The following PAM variants were observed in gnomAD, a reference collection of about 807,000 sequenced individuals.
The protein encoded by PAM is peptidyl-glycine alpha-amidating monooxygenase.
In PAM, 72 loss-of-function variants were observed where a neutral mutation model predicts 122.1. The observed-to-expected ratio is 0.59, with a 90% CI of 0.49 to 0.72. PAM has a LOEUF of 0.72. Ranked by LOEUF, PAM falls within the 30% of genes least tolerant of loss-of-function variation. The pLI is 0.00. For missense variants in PAM, 1,106 were observed against 1,183.7 expected (o/e 0.93, Z 0.96); for synonymous variants, 389 against 404.4 (o/e 0.96, Z 0.46).
At chr5:102,852,682 A>C (rs1268874763) in intron 1 of PAM, among the ~76,000 whole-genome samples, 1 of 152,166 alleles carries the variant, frequency 6.6e-6, no homozygotes, top group African/African-American at 2.4e-5. Flanking sequence ...TAAAATATAA[A>C]ATAAAATTTA....
At chr5:103,026,791 G>T (rs181008507) in intron 24 of PAM, among the ~76,000 whole-genome samples, 1 of 152,314 alleles carries the variant, frequency 6.6e-6, no homozygotes, top group East Asian at 1.9e-4. Context: ...AGTAGAGGGT[G>T]GTAAGTGCAG....
chr5:102,966,848 G>T (rs897207057), intron 14 of PAM, among the ~76,000 whole-genome samples: 2 of 151,954 alleles, frequency 1.3e-5, no homozygotes, highest in African/African-American at 4.8e-5. Flanking sequence ...AACAAGAGCT[G>T]GGTTTTTTTA....
At chr5:102,902,571 A>G (rs534442977) in intron 4 of PAM, among the ~76,000 whole-genome samples, 5 of 151,718 alleles carry the variant, frequency 3.3e-5, no homozygotes, top group Non-Finnish European at 5.9e-5. Context: ...TTAAGTTTCT[A>G]ATTGTAGTGC....
chr5:102,765,935 C>T (rs1753791901), intron 1 of PAM, among the ~76,000 whole-genome samples: 1 of 152,128 alleles, frequency 6.6e-6, no homozygotes, highest in African/African-American at 2.4e-5. Context: ...GTCACATTCA[C>T]AGGTACTGGA....
At chr5:102,962,481 T>C (rs1762781828) in intron 14 of PAM, among the ~76,000 whole-genome samples, 1 of 151,874 alleles carries the variant, frequency 6.6e-6, no homozygotes, top group Non-Finnish European at 1.5e-5. Context: ...GAAATGTATG[T>C]CTTTAAAATA....
intron 1 of PAM, among the ~76,000 whole-genome samples, chr5:102,802,228 G>A (rs1764973527): frequency 6.6e-6 from 1 of 152,144 alleles, no homozygotes; most frequent in Admixed American, 6.5e-5. Flanking sequence ...AAATGTTGAA[G>A]TAAGTTTTTG....
In PAM at chr5:102,777,973, G is replaced by A. The variant is rs192067242; in HGVS notation, c.-374+22625G>A. On this transcript the variant is annotated intron_variant, in intron 1 of 25. Transcript: ENST00000438793. ...GCCAAATTTCGGTTTGCCCTTGAGA[G>A]ACCTGCGATCATTCCTTCTGCAGGC... Among the ~76,000 whole-genome samples the A allele has an allele frequency of 2.0e-3, 301 of 152,288 alleles. 1 individual carries two copies. The highest frequency in any genetic ancestry group is 3.4e-3 in the Middle Eastern group (1 of 294).
chr5:102,801,772 ATTTTTTTTTT>A (rs36068804), intron 1 of PAM, among the ~76,000 whole-genome samples: 11 of 99,000 alleles, frequency 1.1e-4, no homozygotes, highest in African/African-American at 4.2e-4. Flanking sequence ...GGGAAAAGGT[ATTTTTTTTTT>A]TTTTTTTTTT....
chr5:102,785,310 A>G (rs1254367284), intron 1 of PAM, among the ~76,000 whole-genome samples: 2 of 152,238 alleles, frequency 1.3e-5, no homozygotes, highest in Non-Finnish European at 1.5e-5. Context: ...AAGCCTTTCA[A>G]ATGAATCTCA....
intron 3 of PAM, among the ~76,000 whole-genome samples, chr5:102,871,436 A>G (rs1787413989): frequency 6.6e-6 from 1 of 152,102 alleles, no homozygotes; most frequent in African/African-American, 2.4e-5. Context: ...AGGAGATGAA[A>G]GTGAACCAAA....
At chr5:102,755,017 C>G (rs1256859862), upstream of PAM, 2 of 152,378 alleles carry the variant, frequency 1.3e-5, no homozygotes, top group Non-Finnish European at 2.9e-5. Flanking sequence ...TCGCTGGGGA[C>G]TCGCCAGGGC....
At chr5:102,801,073 T>C (rs765606572) in intron 1 of PAM, among the ~76,000 whole-genome samples, 2 of 152,162 alleles carry the variant, frequency 1.3e-5, no homozygotes, top group African/African-American at 2.4e-5. Flanking sequence ...TTTCTTTTTG[T>C]GAGTTTGCAT....
intron 7 of PAM, among the ~76,000 whole-genome samples, chr5:102,931,636 C>T (rs1751538156): frequency 6.6e-6 from 1 of 152,112 alleles, no homozygotes; most frequent in African/African-American, 2.4e-5. Flanking sequence ...GTGAACTCAC[C>T]TATTGAAGTT....
At chr5:102,953,543 G>A (rs1166295048) in intron 12 of PAM, among the ~76,000 whole-genome samples, 1 of 152,008 alleles carries the variant, frequency 6.6e-6, no homozygotes, top group Non-Finnish European at 1.5e-5. Context: ...ATAGAATGAT[G>A]GTTACTGAAG....
At chr5:102,831,450 C>T (rs467693) in intron 1 of PAM, among the ~76,000 whole-genome samples, 84,081 of 148,746 alleles carry the variant, frequency 0.57, 24,237 homozygotes, top group Middle Eastern at 0.66. Flanking sequence ...TTTTTTTTTA[C>T]AAAGTATGCC....
At chr5:102,945,715 C>T (rs1305402271) in intron 7 of PAM, among the ~76,000 whole-genome samples, 2 of 152,000 alleles carry the variant, frequency 1.3e-5, no homozygotes, top group Non-Finnish European at 2.9e-5. Context: ...CTGGCTTTTC[C>T]AGCCAGGATA....
intron 10 of PAM, 34 bp downstream of exon 10, chr5:102,949,651 A>C (rs754459449): frequency 9.8e-7 from 1 of 1,017,622 alleles, no homozygotes; most frequent in Non-Finnish European, 1.6e-6. Context: ...ATAAATATTT[A>C]CCATTGTGCT....
chr5:102,890,126 G>A (rs1425862231), intron 3 of PAM, among the ~76,000 whole-genome samples: 2 of 151,868 alleles, frequency 1.3e-5, no homozygotes, highest in African/African-American at 2.4e-5. Flanking sequence ...CATCACTAGA[G>A]TATCATTTAA....
At chr5:102,936,284 A>G (rs1753227841) in intron 7 of PAM, among the ~76,000 whole-genome samples, 1 of 152,066 alleles carries the variant, frequency 6.6e-6, no homozygotes, top group Non-Finnish European at 1.5e-5. Context: ...TGCAAGTCAA[A>G]GTTCTGTCTA....
Sources: allele counts gnomAD v4.1 joint callset (sites outside exome capture counted in the v4.1 genomes callset), GRCh38; gene constraint gnomAD v4.1.1; transcripts MANE v1.5; gene names NCBI Gene and HGNC (gene_info 2026-07-23, HGNC 2026-07-21).